The following HSD17B12 variants were observed in gnomAD, a reference collection of about 807,000 sequenced individuals.
HSD17B12 encodes hydroxysteroid 17-beta dehydrogenase 12, also known as very-long-chain 3-oxoacyl-CoA reductase.
In HSD17B12, 32 loss-of-function variants were observed where a neutral mutation model predicts 39.3. The observed-to-expected ratio is 0.81, with a 90% confidence interval of 0.61 to 1.09. The LOEUF is 1.09. Ranked by LOEUF, HSD17B12 falls within the 50% of genes least tolerant of loss-of-function variation. The probability of loss-of-function intolerance (pLI) is 0.00; values close to 1 mark genes in which losing one functional copy is unlikely to be tolerated. For missense variants in HSD17B12, 342 were observed against 382.9 expected, an observed-to-expected ratio of 0.89 and a Z score of 0.89; for synonymous variants, 150 against 146.7, an observed-to-expected ratio of 1.02 and a Z score of -0.16.
At chr11:43,561,662 T>C in the HSD17B12 span, among the ~76,000 whole-genome samples, 1 of 152,002 alleles carries the variant, frequency 6.6e-6, no homozygotes, top group Non-Finnish European at 1.5e-5. Flanking sequence ...TTCTAGCCTG[T>C]TCCTTCAAGT....
chr11:43,607,311 TG>T, the HSD17B12 span, among the ~76,000 whole-genome samples: 1 of 151,566 alleles, frequency 6.6e-6, no homozygotes, highest in Admixed American at 6.6e-5. Context: ...TGTGTGTGTG[TG>T]TGTGTACCAT....
intron 6 of HSD17B12, among the ~76,000 whole-genome samples, chr11:43,820,388 CT>C (rs1230540660): frequency 6.6e-6 from 1 of 152,220 alleles, no homozygotes; most frequent in African/African-American, 2.4e-5. Context: ...AGGTTTAGGA[CT>C]CTTTGGTGCT....
At chr11:43,706,149 T>C (rs951739106) in intron 1 of HSD17B12, among the ~76,000 whole-genome samples, 6 of 152,006 alleles carry the variant, frequency 3.9e-5, no homozygotes, top group Non-Finnish European at 7.4e-5. Flanking sequence ...GAGAGCCTGA[T>C]GTGTGTGTAT....
At chr11:43,692,881 A>G (rs1949875574) in intron 1 of HSD17B12, among the ~76,000 whole-genome samples, 1 of 152,236 alleles carries the variant, frequency 6.6e-6, no homozygotes, top group African/African-American at 2.4e-5. Context: ...CTATAAAGTT[A>G]ACCATAGAGC....
chr11:43,563,345 T>G, the HSD17B12 span, among the ~76,000 whole-genome samples: 7 of 152,212 alleles, frequency 4.6e-5, no homozygotes, highest in Non-Finnish European at 1.0e-4. Flanking sequence ...CCTGGGTTGT[T>G]ATGCAATGAT....
intron 1 of HSD17B12, chr11:43,681,200 T>A: frequency 7.6e-7 from 1 of 1,313,246 alleles, no homozygotes. Context: ...AATACACTGC[T>A]CGCTCAATCC....
chr11:43,754,344 G>A (rs570237774), intron 3 of HSD17B12, among the ~76,000 whole-genome samples: 4 of 152,184 alleles, frequency 2.6e-5, no homozygotes, highest in South Asian at 2.1e-4. Flanking sequence ...AGGCTGAGGC[G>A]GGTGGATTAC....
the HSD17B12 span, among the ~76,000 whole-genome samples, chr11:43,582,473 T>A: frequency 1.2e-4 from 19 of 152,196 alleles, no homozygotes; most frequent in Non-Finnish European, 1.6e-4. Flanking sequence ...CTAGGAACAC[T>A]GCTAGACGCC....
At chr11:43,771,627 C>T (rs1950651031) in intron 3 of HSD17B12, among the ~76,000 whole-genome samples, 1 of 151,696 alleles carries the variant, frequency 6.6e-6, no homozygotes, top group African/African-American at 2.4e-5. Context: ...CTACTATGCC[C>T]AGGTAATTTT....
the HSD17B12 span, chr11:43,646,315 AGT>A: frequency 3.0e-4 from 46 of 152,326 alleles, no homozygotes; most frequent in African/African-American, 1.1e-3. Context: ...ACCTGACCTA[AGT>A]GTGTCTTAGA....
chr11:43,734,449 C>T, intron 1 of HSD17B12: 1 of 718,412 alleles, frequency 1.4e-6, no homozygotes, highest in Non-Finnish European at 2.6e-6. Flanking sequence ...CCGCAGGGGA[C>T]AGCCTGATCG....
At chr11:43,832,458 C>A in intron 7 of HSD17B12, among the ~76,000 whole-genome samples, 1 of 152,260 alleles carries the variant, frequency 6.6e-6, no homozygotes. Flanking sequence ...CAAAGAGTCA[C>A]AGAAATCCAG....
chr11:43,652,390 AT>A, the HSD17B12 span, among the ~76,000 whole-genome samples: 1 of 152,124 alleles, frequency 6.6e-6, no homozygotes, highest in South Asian at 2.1e-4. Context: ...ATGTGTGGAG[AT>A]TTTTCCCCTA....
intron 1 of HSD17B12, among the ~76,000 whole-genome samples, chr11:43,707,045 A>G (rs1482016255): frequency 6.6e-6 from 1 of 152,174 alleles, no homozygotes; most frequent in Non-Finnish European, 1.5e-5. Context: ...CATCAAGAGT[A>G]AGATATAACA....
At chr11:43,583,531 T>C in the HSD17B12 span, among the ~76,000 whole-genome samples, 1 of 152,146 alleles carries the variant, frequency 6.6e-6, no homozygotes, top group African/African-American at 2.4e-5. Flanking sequence ...CCTTCCCCCT[T>C]CCCTTCACAA....
the HSD17B12 span, among the ~76,000 whole-genome samples, chr11:43,565,099 C>T: frequency 6.6e-6 from 1 of 152,080 alleles, no homozygotes; most frequent in Non-Finnish European, 1.5e-5. Flanking sequence ...GGGGTTTCAC[C>T]ATGTTGGCCA....
At chr11:43,565,199 G>C in the HSD17B12 span, among the ~76,000 whole-genome samples, 2 of 152,058 alleles carry the variant, frequency 1.3e-5, no homozygotes, top group Admixed American at 1.3e-4. Context: ...CATGCCCAGC[G>C]AGTCTTTCTT....
upstream of HSD17B12, among the ~76,000 whole-genome samples, chr11:43,677,596 C>A (rs1949703083): frequency 6.6e-6 from 1 of 152,160 alleles, no homozygotes; most frequent in Non-Finnish European, 1.5e-5. Flanking sequence ...CCCCACCCCC[C>A]CACCACCCCA....
chr11:43,755,085 A>G, intron 3 of HSD17B12: 1 of 397,666 alleles, frequency 2.5e-6, no homozygotes, highest in Non-Finnish European at 4.5e-6. Flanking sequence ...ACTTATTAAG[A>G]GTCAATTTGT....
Sources: allele counts gnomAD v4.1 joint callset (sites outside exome capture counted in the v4.1 genomes callset), GRCh38; gene constraint gnomAD v4.1.1; transcripts MANE v1.5; gene names NCBI Gene and HGNC (gene_info 2026-07-23, HGNC 2026-07-21).